Variants in JAK1 observed in about 807,000 individuals in gnomAD.
The protein encoded by JAK1 is tyrosine-protein kinase JAK1.
In JAK1, 16 loss-of-function variants were observed where a neutral mutation model predicts 136.6. The ratio of observed to expected loss-of-function variants is 0.12; its 90% CI spans 0.08 to 0.18. The LOEUF (loss-of-function observed/expected upper bound fraction) is 0.18. JAK1 is among the 10% of genes least tolerant of loss of function. JAK1 has a pLI of 1.00. For synonymous variants in JAK1, 492 were observed against 519.5 expected, an observed-to-expected ratio of 0.95 and a Z score of 0.72; for missense variants, 859 against 1,450.1, an observed-to-expected ratio of 0.59 and a Z score of 6.62.
intron 2 of JAK1, among the ~76,000 whole-genome samples, chr1:65,036,869 T>C (rs1280515560): frequency 2.6e-5 from 4 of 152,192 alleles, no homozygotes; most frequent in African/African-American, 4.8e-5. Context: ...TACAGTAGTC[T>C]TAAAAAATAA....
At chr1:64,877,249 C>T (rs1292236815) in intron 4 of JAK1, among the ~76,000 whole-genome samples, 1 of 152,104 alleles carries the variant, frequency 6.6e-6, no homozygotes, top group Non-Finnish European at 1.5e-5. Flanking sequence ...TTTTCATTTA[C>T]GCCTCCTTTA....
At chr1:65,010,736 T>C (rs1424581298) in intron 2 of JAK1, among the ~76,000 whole-genome samples, 1 of 152,156 alleles carries the variant, frequency 6.6e-6, no homozygotes, top group Non-Finnish European at 1.5e-5. Context: ...ATCCGAACAT[T>C]CTGGGAGGCC....
At chr1:64,923,061 G>A (rs765609443) in intron 1 of JAK1, among the ~76,000 whole-genome samples, 2 of 152,154 alleles carry the variant, frequency 1.3e-5, no homozygotes, top group Non-Finnish European at 2.9e-5. Flanking sequence ...ATAATAACTT[G>A]GAAAGTTGGG....
intron 1 of JAK1, among the ~76,000 whole-genome samples, chr1:64,940,062 A>G (rs966501493): frequency 6.6e-6 from 1 of 152,054 alleles, no homozygotes; most frequent in African/African-American, 2.4e-5. Context: ...ACAAGTAACT[A>G]GATGTCAACA....
At position 64,878,593 on chromosome 1, in the gene JAK1, A is replaced by C. The variant is rs1040625596; in HGVS notation, c.329+432T>G. Among the ~76,000 whole-genome samples, 15 of 129,032 alleles carry C rather than the reference A, an allele frequency of 1.2e-4. 1 individual carries two copies. The highest frequency in any genetic ancestry group is 3.7e-4 in the Admixed American group (5 of 13,506). 84.7% of individuals were successfully genotyped at this position (129,032 alleles called of 152,430 possible). A position where few individuals can be genotyped will look rare whatever the true frequency, so the allele number is the denominator to read the frequency against. On this transcript the variant is annotated intron_variant, in intron 4 of 24. Coordinates refer to ENST00000342505, the MANE Select transcript of JAK1 (RefSeq NM_002227.4). ...TATATATATATATATATATATATATATATATATATATATCTCAAAAGTTTA... is the reference window on the plus strand; with the variant it reads ...TATATATATATATATATATATATATCTATATATATATATCTCAAAAGTTTA...
In JAK1 at chr1:64,869,446, G is replaced by A; in HGVS notation, c.512C>T (p.Ala171Val). 1 of 1,613,928 alleles carries A rather than the reference G, an allele frequency of 6.2e-7. No homozygotes were observed. ...QGQYDLVKCLAPIRDPKTEQD... is the reference protein window; with the variant it reads ...QGQYDLVKCLVPIRDPKTEQD... Reference sequence around the variant, plus strand: ...CTCGGTCTTGGGGTCTCGAATAGGAGCCAGGCATTTCACCAAATCATACTG... The same window carrying A: ...CTCGGTCTTGGGGTCTCGAATAGGAACCAGGCATTTCACCAAATCATACTG... The change falls in exon 6 of 25, where the codon GCT (alanine) becomes GTT (valine). Residue 171 changes from alanine (A) to valine (V), a missense_variant. Coordinates refer to ENST00000342505, the MANE Select transcript of JAK1 (RefSeq NM_002227.4).
intron 2 of JAK1, among the ~76,000 whole-genome samples, chr1:65,012,281 C>T (rs1371193016): frequency 6.6e-6 from 1 of 151,982 alleles, no homozygotes; most frequent in African/African-American, 2.4e-5. Flanking sequence ...AGAAAAAGGA[C>T]CATCCTAGGA....
chr1:64,996,261 C>A (rs1168768774), intron 2 of JAK1, among the ~76,000 whole-genome samples: 1 of 152,142 alleles, frequency 6.6e-6, no homozygotes, highest in East Asian at 1.9e-4. Context: ...TCATGCCCAC[C>A]CTAGTTAAGG....
intron 24 of JAK1, 31 bp from the exon 25 acceptor site, chr1:64,834,688 A>T (rs373797407): frequency 7.2e-6 from 10 of 1,386,510 alleles, no homozygotes; most frequent in Non-Finnish European, 9.2e-6. Flanking sequence ...CAACAGTAAA[A>T]ATGTTAGATC....
chr1:64,944,696 G>C (rs1645952067), intron 1 of JAK1, among the ~76,000 whole-genome samples: 1 of 151,714 alleles, frequency 6.6e-6, no homozygotes, highest in Non-Finnish European at 1.5e-5. Context: ...CTAGCAAATG[G>C]AAAAAAAGGT....
rs371109029 is a variant in JAK1, at chr1:64,985,507, G to A, written c.-78+58973C>T. ...CAAAAAGGAAGGGCTGCACTTTGTA[G>A]CATAGCAGGAGAGATGGGAAAGCCT... On this transcript the variant is annotated intron_variant, in intron 2 of 25. Transcript: ENST00000671954. 3.9e-5 allele frequency: 60 copies of A among 1,553,452 alleles called. 5 individuals carry two copies. The highest frequency in any genetic ancestry group is 1.2e-4 in the Admixed American group (7 of 59,552).
chr1:65,065,014 A>G (rs769026181), intron 1 of JAK1, among the ~76,000 whole-genome samples: 13 of 152,338 alleles, frequency 8.5e-5, no homozygotes, highest in Middle Eastern at 3.4e-3. Context: ...AAAGGAACCA[A>G]TTATGAACAC....
chr1:64,986,988 C>T (rs915319159), intron 2 of JAK1, among the ~76,000 whole-genome samples: 6 of 152,182 alleles, frequency 3.9e-5, no homozygotes, highest in Middle Eastern at 3.4e-3. Flanking sequence ...AAGGCCTTAA[C>T]GTTGTAAGAT....
chr1:64,860,151 G>A lies in JAK1; in HGVS notation c.1288C>T (p.Pro430Ser), dbSNP rs2101072675. Residue 430 changes from proline (P) to serine (S), a missense_variant, in exon 9 of 25, where the codon CCG becomes TCG. Pro to Ser is a moderately conservative substitution (Grantham distance 74, BLOSUM62 -1). Around this residue, in one of 4 missense-constraint regions of JAK1, gnomAD observed 409 missense variants for 753.8 expected, o/e 0.54. Coordinates refer to ENST00000342505, the MANE Select transcript of JAK1 (RefSeq NM_002227.4). ...TTCTGTATGTTGTGGACGATCAACG[G>A]GGGGGCCACGTCGGTGCAGAGGTAA... ...HHYLCTDVAP[P>S]LIVHNIQNGC... 1 of 1,603,442 alleles carries A rather than the reference G, an allele frequency of 6.2e-7. No homozygotes were observed. The highest frequency in any genetic ancestry group is 8.5e-7 in the Non-Finnish European group (1 of 1,172,742).
intron 8 of JAK1, among the ~76,000 whole-genome samples, chr1:64,864,367 T>C (rs1656562518): frequency 6.6e-6 from 1 of 152,248 alleles, no homozygotes; most frequent in Non-Finnish European, 1.5e-5. Flanking sequence ...ACCATATCGA[T>C]GACTGCCACT....
Position 64,857,782 on chromosome 1 carries a change from A to T in JAK1, c.1335-3T>A. On this transcript the variant is annotated splice_region_variant and splice_polypyrimidine_tract_variant and intron_variant, in intron 9 of 24. Transcript: ENST00000342505. ...ATTTATTGATGGCGTATTCTGTACT[A>T]GAGGGAGAAGTAGGCAAAGGGAGAA... The T allele has an allele frequency of 6.2e-7, 1 of 1,614,128 alleles. No homozygotes were observed. The highest frequency in any genetic ancestry group is 1.1e-5 in the South Asian group (1 of 91,084).
intron 2 of JAK1, among the ~76,000 whole-genome samples, chr1:64,982,045 T>A (rs980072051): frequency 2.0e-4 from 30 of 152,062 alleles, no homozygotes; most frequent in Non-Finnish European, 3.8e-4. Flanking sequence ...TCTGTACATA[T>A]ACAATTCTAC....
In JAK1 at chr1:64,844,692, T is replaced by G; in HGVS notation, c.2251+62A>C. On this transcript the variant is annotated intron_variant, in intron 16 of 24. Coordinates refer to ENST00000342505, the MANE Select transcript of JAK1 (RefSeq NM_002227.4). This position sits in a 1 kb window ranked among gnomAD's most constrained non-coding sequence, Gnocchi z 5.7. ...AAGGAGACCAACCCCAGCCCAGCCC[T>G]TCTCTCTGCTGACTTGCCCCTGACT... 1 of 1,603,950 alleles carries G rather than the reference T, an allele frequency of 6.2e-7. No individual in the cohort carries two copies. The highest frequency in any genetic ancestry group is 8.5e-7 in the Non-Finnish European group (1 of 1,172,188).
At chr1:65,065,798 G>T (rs1275452845) in intron 1 of JAK1, among the ~76,000 whole-genome samples, 1 of 151,322 alleles carries the variant, frequency 6.6e-6, no homozygotes, top group Non-Finnish European at 1.5e-5. Context: ...GAAAATAAAG[G>T]GGGCTACGGA....
Sources: gnomAD v4.1 joint callset for allele counts (sites outside exome capture counted in the v4.1 genomes callset) on GRCh38, gnomAD v4.1.1 for gene constraint, gnomAD v4.1.1 regional missense constraint, Gnocchi (gnomAD v3.1) non-coding constraint, MANE v1.5 for transcripts, NCBI Gene and HGNC (gene_info 2026-07-23, HGNC 2026-07-21) for gene names.